ADAMTS14: variants seen among roughly 807,000 people sequenced by gnomAD.
ADAMTS14 encodes A disintegrin and metalloproteinase with thrombospondin motifs 14.
In ADAMTS14, 100 loss-of-function variants were observed where a neutral mutation model predicts 128.6. That is an observed-to-expected ratio of 0.78 (90% CI 0.66 to 0.92). ADAMTS14 has a LOEUF of 0.92. Among genes scored for constraint, ADAMTS14 ranks in the 40% least tolerant of loss-of-function variants. The probability of loss-of-function intolerance (pLI) is 0.00; values close to 1 mark genes in which losing one functional copy is unlikely to be tolerated. For missense variants in ADAMTS14, 1,562 were observed against 1,658.6 expected (o/e 0.94, Z 1.01); for synonymous variants, 665 against 653.8 (o/e 1.02, Z -0.26).
intron 15 of ADAMTS14, 51 bp from the exon 16 acceptor site, chr10:70,749,771 C>G: frequency 1.3e-6 from 2 of 1,592,738 alleles, no homozygotes; most frequent in Non-Finnish European, 1.7e-6. Flanking sequence ...ATGGCCCGCC[C>G]CCTGTGGAGA....
intron 2 of ADAMTS14, among the ~76,000 whole-genome samples, chr10:70,701,583 G>A (rs754204061): frequency 2.0e-5 from 3 of 152,134 alleles, no homozygotes; most frequent in African/African-American, 7.2e-5. Flanking sequence ...TGTGATGACC[G>A]CCTTCACTGG....
chr10:70,695,310 C>A (rs917332020), intron 2 of ADAMTS14, among the ~76,000 whole-genome samples: 2 of 152,176 alleles, frequency 1.3e-5, no homozygotes, highest in African/African-American at 4.8e-5. Flanking sequence ...CCCCACCTTA[C>A]CCCCATCAAG....
At chr10:70,730,387 G>A in intron 6 of ADAMTS14, 138 bp downstream of exon 6, 1 of 1,226,580 alleles carries the variant, frequency 8.2e-7, no homozygotes, top group Non-Finnish European at 1.1e-6. Flanking sequence ...GGACAGCCGA[G>A]GATGAGCTTT....
chr10:70,696,253 A>G (rs983096540), intron 2 of ADAMTS14, among the ~76,000 whole-genome samples: 4 of 151,888 alleles, frequency 2.6e-5, no homozygotes, highest in African/African-American at 4.8e-5. Context: ...CTGAGCACGG[A>G]GTAGGGGGAC....
intron 15 of ADAMTS14, among the ~76,000 whole-genome samples, chr10:70,749,513 G>A (rs910923647): frequency 2.0e-5 from 3 of 152,288 alleles, no homozygotes; most frequent in Non-Finnish European, 2.9e-5. Context: ...AGATTATGCT[G>A]AGCCTCAACC....
In ADAMTS14 at chr10:70,737,462, C is replaced by A. The variant is rs1371492734; in HGVS notation, c.1599+669C>A. 3.9e-5 allele frequency among the ~76,000 whole-genome samples: 6 copies of A among 152,208 alleles called. No homozygotes were observed. In the East Asian group the frequency reaches 1.2e-3, roughly 29 times the overall value. On this transcript the variant is annotated intron_variant, in intron 10 of 21. Coordinates refer to ENST00000373207, the MANE Select transcript of ADAMTS14 (RefSeq NM_080722.4). ...CAGGGTTGTTCTGAGGTAACTGACT[C>A]ATGTCAAGGCACGTGAGGGAGCAGG...
At chr10:70,724,343 G>C (rs139030537) in intron 4 of ADAMTS14, among the ~76,000 whole-genome samples, 1 of 152,324 alleles carries the variant, frequency 6.6e-6, no homozygotes, top group Non-Finnish European at 1.5e-5. Context: ...ACACTGCTCT[G>C]TTCTGCCCTG....
At position 70,729,348 on chromosome 10, in the gene ADAMTS14, G is replaced by A. The variant is rs543657491; in HGVS notation, c.925G>A (p.Val309Ile). Reference protein sequence around the residue: ...SLGVHINIALVRLIMVGYRQS... With the variant: ...SLGVHINIALIRLIMVGYRQS... Reference sequence around the variant, plus strand: ...GGGGGTTCATATAAATATTGCCCTCGTCCGCTTGATCATGGTTGGCTACCG... The same window carrying A: ...GGGGGTTCATATAAATATTGCCCTCATCCGCTTGATCATGGTTGGCTACCG... Residue 309 changes from valine to isoleucine, a missense_variant, in exon 5 of 22, where the codon GTC (valine) becomes ATC (isoleucine). Coordinates refer to ENST00000373207, the MANE Select transcript of ADAMTS14 (RefSeq NM_080722.4). The A allele has an allele frequency of 2.6e-4, 416 of 1,613,774 alleles. 4 individuals are homozygous for A. The South Asian group carries it at 3.6e-3, about 14-fold the overall frequency.
chr10:70,732,777 G>A (rs1277218170), intron 7 of ADAMTS14, among the ~76,000 whole-genome samples: 1 of 152,234 alleles, frequency 6.6e-6, no homozygotes, highest in Non-Finnish European at 1.5e-5. Context: ...CTGATACTCA[G>A]CACTCATTGG....
intron 21 of ADAMTS14, 56 bp downstream of exon 21, chr10:70,758,341 G>A (rs1842529943): frequency 9.4e-6 from 14 of 1,494,550 alleles, no homozygotes; most frequent in Admixed American, 1.9e-5. Context: ...TGGCCCTGGT[G>A]TTGCAGCATG....
rs548466130 is a variant in ADAMTS14, at chr10:70,728,095, C to CAAA, written c.871-1184_871-1182dup. ...TGGGCAATAGAGCGAGACTCCACCT[C>CAAA]AAAAAAAAAAAAAAAAATCTTGGCC... On this transcript the variant is annotated intron_variant, in intron 4 of 21. Transcript: ENST00000373207. Among the ~76,000 whole-genome samples, 380 of 119,624 alleles carry CAAA rather than the reference C, an allele frequency of 3.2e-3. 1 individual carries two copies. Among genetic ancestry groups the CAAA allele is most frequent in the African/African-American group, 9.9e-3 (326 of 32,950 alleles). The allele number at this position is 119,624 out of a possible 152,430, so 78.5% of individuals were successfully genotyped here.
intron 2 of ADAMTS14, among the ~76,000 whole-genome samples, chr10:70,687,970 C>T (rs866850005): frequency 9.7e-3 from 636 of 65,382 alleles, no homozygotes; most frequent in African/African-American, 0.015. Flanking sequence ...GGCTGACCCC[C>T]CCCCCGACCT....
At chr10:70,709,596 G>T (rs1840779091) in intron 4 of ADAMTS14, among the ~76,000 whole-genome samples, 1 of 142,362 alleles carries the variant, frequency 7.0e-6, no homozygotes, top group Non-Finnish European at 1.5e-5. Context: ...CATCTCCCGG[G>T]TTCACGCCAT....
chr10:70,718,223 C>T (rs1022282217), intron 4 of ADAMTS14, among the ~76,000 whole-genome samples: 3 of 152,202 alleles, frequency 2.0e-5, no homozygotes, highest in Admixed American at 1.3e-4. Context: ...GCTCATCCTC[C>T]TTGACACGAA....
At chr10:70,744,363 A>G (rs936652782) in intron 14 of ADAMTS14, among the ~76,000 whole-genome samples, 174 bp downstream of exon 14, 37 of 152,286 alleles carry the variant, frequency 2.4e-4, no homozygotes, top group Non-Finnish European at 3.1e-4. Flanking sequence ...TGCTGCAGCC[A>G]GTCACCTCAC....
Position 70,729,361 on chromosome 10 carries a change from T to A in ADAMTS14, c.938T>A (p.Met313Lys), listed in dbSNP as rs1220234071. 1 of 1,613,784 alleles carries A rather than the reference T, an allele frequency of 6.2e-7. No individual in the cohort carries two copies. The highest frequency in any genetic ancestry group is 8.5e-7 in the Non-Finnish European group (1 of 1,179,940). The change falls in exon 5 of 22, where the codon ATG (methionine) becomes AAG (lysine). Residue 313 changes from methionine (M) to lysine (K), a missense_variant. Met to Lys is a moderately conservative substitution (Grantham distance 95, BLOSUM62 -1). Transcript: ENST00000373207. Reference sequence around the variant, plus strand: ...AATATTGCCCTCGTCCGCTTGATCATGGTTGGCTACCGACAGGTAAACCAC... The same window carrying A: ...AATATTGCCCTCGTCCGCTTGATCAAGGTTGGCTACCGACAGGTAAACCAC... ...HINIALVRLI[M>K]VGYRQSLSLI...
At position 70,730,845 on chromosome 10, in the gene ADAMTS14, G is replaced by C. The variant is rs145800337; in HGVS notation, c.1102+596G>C. Among the ~76,000 whole-genome samples, 9 of 152,232 alleles carry C rather than the reference G, an allele frequency of 5.9e-5. No homozygotes were observed. The East Asian group carries it at 1.7e-3, about 29-fold the overall frequency. ...AAATACTCTGCAAACATGCAGCTTT[G>C]ATACCCATATGGGGAAACTGAGCCA... On this transcript the variant is annotated intron_variant, in intron 6 of 21. Coordinates refer to ENST00000373207, the MANE Select transcript of ADAMTS14 (RefSeq NM_080722.4).
intron 11 of ADAMTS14, among the ~76,000 whole-genome samples, chr10:70,740,645 A>G (rs1301436425): frequency 1.3e-5 from 2 of 152,210 alleles, no homozygotes; most frequent in Non-Finnish European, 2.9e-5. Context: ...AAAACAGTTG[A>G]AGGCACCCAC....
At chr10:70,725,812 G>A (rs567634143) in intron 4 of ADAMTS14, among the ~76,000 whole-genome samples, 2 of 152,222 alleles carry the variant, frequency 1.3e-5, no homozygotes, top group South Asian at 4.2e-4. Context: ...GCCCCACGTG[G>A]CTCATGCCTT....
Sources: allele counts gnomAD v4.1 joint callset (sites outside exome capture counted in the v4.1 genomes callset), GRCh38; gene constraint gnomAD v4.1.1; transcripts MANE v1.5; gene names NCBI Gene and HGNC (gene_info 2026-07-23, HGNC 2026-07-21).